GRIK1: variants seen among roughly 807,000 people sequenced by gnomAD.
GRIK1 encodes glutamate ionotropic receptor kainate type subunit 1, also known as glutamate receptor ionotropic, kainate 1.
Under a neutral mutation model 105.7 loss-of-function variants are expected in GRIK1, and 69 were observed. That is an observed-to-expected ratio of 0.65 (90% confidence interval 0.54 to 0.80). GRIK1 has a LOEUF of 0.80. GRIK1 is among the 30% of genes least tolerant of loss of function. GRIK1 has a pLI of 0.00. For synonymous variants in GRIK1, 438 were observed against 431.3 expected (o/e 1.02, Z -0.19); for missense variants, 1,109 against 1,167.3 (o/e 0.95, Z 0.73).
intron 1 of GRIK1, among the ~76,000 whole-genome samples, chr21:29,715,176 A>G (rs1323539320): frequency 3.3e-5 from 5 of 152,182 alleles, no homozygotes; most frequent in Non-Finnish European, 1.5e-5. Context: ...TGTGAGTTAC[A>G]CTGGCTCACA....
intron 1 of GRIK1, among the ~76,000 whole-genome samples, chr21:29,925,983 A>G (rs543434988): frequency 6.6e-6 from 1 of 152,230 alleles, no homozygotes; most frequent in East Asian, 1.9e-4. Context: ...TAAGCTATAT[A>G]CCACTCGTTT....
chr21:29,601,758 C>T (rs967197537), intron 7 of GRIK1, among the ~76,000 whole-genome samples: 49 of 152,208 alleles, frequency 3.2e-4, no homozygotes, highest in African/African-American at 1.2e-3. Flanking sequence ...TACTTATTAC[C>T]ACTTACCTTT....
Position 29,589,868 on chromosome 21 carries a change from T to C in GRIK1, c.1366-826A>G, listed in dbSNP as rs549967098. On this transcript the variant is annotated intron_variant, in intron 10 of 17. Transcript: ENST00000327783. ...TCACTATTCACTTATGATTTATATA[T>C]TTTGATTGGTTTCCTTCAGGGTAGC... 2.6e-4 allele frequency among the ~76,000 whole-genome samples: 40 copies of C among 152,362 alleles called. 1 individual carries two copies. Among genetic ancestry groups the C allele is most frequent in the African/African-American group, 7.2e-4 (30 of 41,588 alleles).
At chr21:29,848,451 A>G (rs2068195778) in intron 1 of GRIK1, among the ~76,000 whole-genome samples, 1 of 151,950 alleles carries the variant, frequency 6.6e-6, no homozygotes, top group Admixed American at 6.6e-5. Flanking sequence ...CTCCACTCAC[A>G]CCTTGATGCT....
chr21:29,578,603 C>G (rs1277852205), intron 13 of GRIK1, among the ~76,000 whole-genome samples: 1 of 152,140 alleles, frequency 6.6e-6, no homozygotes, highest in Non-Finnish European at 1.5e-5. Context: ...AATGGTTTGA[C>G]AGCGATTTGT....
rs142676722 is a variant in GRIK1, at chr21:29,924,918, G to T, written c.118+14465C>A. 3.0e-4 allele frequency among the ~76,000 whole-genome samples: 46 copies of T among 152,192 alleles called. No homozygotes were observed. In the South Asian group the frequency reaches 6.0e-3, roughly 20 times the overall value. ...CCCCCCTTCCCTCTAACTTTCTGCT[G>T]CTCTCCTTCAGGAAAAGCTCAGACT... On this transcript the variant is annotated intron_variant, in intron 1 of 17. Coordinates refer to ENST00000327783, the MANE Select transcript of GRIK1 (RefSeq NM_001330994.2).
chr21:29,620,011 T>C (rs558560814), intron 7 of GRIK1, among the ~76,000 whole-genome samples: 1 of 152,268 alleles, frequency 6.6e-6, no homozygotes, highest in South Asian at 2.1e-4. Context: ...TCCTGAGAGA[T>C]TTCCATTAAG....
At chr21:29,671,919 A>C (rs985495998) in intron 4 of GRIK1, among the ~76,000 whole-genome samples, 1 of 152,082 alleles carries the variant, frequency 6.6e-6, no homozygotes, top group Non-Finnish European at 1.5e-5. Context: ...AGCAGTACCC[A>C]CTAGTTGCCA....
At chr21:29,612,919 T>C (rs2061761206) in intron 7 of GRIK1, among the ~76,000 whole-genome samples, 1 of 152,212 alleles carries the variant, frequency 6.6e-6, no homozygotes, top group African/African-American at 2.4e-5. Flanking sequence ...TTAAATAGCA[T>C]TTTAATTGCT....
At chr21:29,631,990 A>AC (rs2062285503) in intron 7 of GRIK1, among the ~76,000 whole-genome samples, 1 of 137,192 alleles carries the variant, frequency 7.3e-6, no homozygotes, top group Admixed American at 7.1e-5. Flanking sequence ...GCAGGAAAAA[A>AC]AAAAGAGGCA....
intron 15 of GRIK1, 138 bp from the exon 16 acceptor site, chr21:29,555,440 A>G: frequency 1.3e-6 from 1 of 747,670 alleles, no homozygotes; most frequent in Non-Finnish European, 2.2e-6. Flanking sequence ...TGCAAAGGAC[A>G]GGAAAGTTCA....
rs79305921 is a variant in GRIK1 at position 29,772,591 on chromosome 21, C to T, written c.119-78528G>A. 7.3e-3 allele frequency among the ~76,000 whole-genome samples: 1,111 copies of T among 152,216 alleles called. 15 individuals are homozygous for T. The highest frequency in any genetic ancestry group is 0.026 in the African/African-American group (1,086 of 41,540). On this transcript the variant is annotated intron_variant, in intron 1 of 17. Transcript: ENST00000327783. ...AACTCAATTAACTATTTGTCATCCC[C>T]CCCACCCTTTTTTGAACAAAAACTA...
In GRIK1 at chr21:29,765,448, C is replaced by T. The variant is rs533781235; in HGVS notation, c.119-71385G>A. Among the ~76,000 whole-genome samples the T allele has an allele frequency of 7.9e-5, 12 of 152,142 alleles. No individual in the cohort carries two copies. In the South Asian group the frequency reaches 1.0e-3, roughly 13 times the overall value. On this transcript the variant is annotated intron_variant, in intron 1 of 17. Coordinates refer to ENST00000327783, the MANE Select transcript of GRIK1 (RefSeq NM_001330994.2). ...TACCTTATACCCTAATGGATTCCTC[C>T]GTGCTCCACAGACATGGCTACAGAT...
chr21:29,697,911 T>G (rs963937651), intron 1 of GRIK1, among the ~76,000 whole-genome samples: 1 of 140,450 alleles, frequency 7.1e-6, no homozygotes, highest in East Asian at 2.0e-4. Context: ...CTTTTCTTTC[T>G]TTCTTTCTCT....
At chr21:29,554,040 T>A (rs1413143596) in intron 16 of GRIK1, among the ~76,000 whole-genome samples, 1 of 152,130 alleles carries the variant, frequency 6.6e-6, no homozygotes. Flanking sequence ...TAATGAATCA[T>A]CCCCAGTTTT....
At chr21:29,656,859 G>C (rs1208764920) in intron 4 of GRIK1, among the ~76,000 whole-genome samples, 1 of 152,182 alleles carries the variant, frequency 6.6e-6, no homozygotes, top group Non-Finnish European at 1.5e-5. Flanking sequence ...GGAATATTTA[G>C]TGAAATTGCA....
At chr21:29,565,712 G>A (rs530055182) in intron 14 of GRIK1, among the ~76,000 whole-genome samples, 293 of 152,294 alleles carry the variant, frequency 1.9e-3, no homozygotes, top group Non-Finnish European at 2.6e-3. Context: ...GGGATTATAG[G>A]CATGAGCCAC....
chr21:29,845,982 C>T (rs1388558390), intron 1 of GRIK1, among the ~76,000 whole-genome samples: 2 of 152,244 alleles, frequency 1.3e-5, no homozygotes, highest in East Asian at 1.9e-4. Context: ...TGTGGATTCA[C>T]GGGCCCTTTG....
chr21:29,676,729 G>T (rs558824061), intron 3 of GRIK1, among the ~76,000 whole-genome samples: 1 of 152,064 alleles, frequency 6.6e-6, no homozygotes, highest in East Asian at 1.9e-4. Context: ...AGGCAAGAGA[G>T]AACCAGACAA....
Sources: gnomAD v4.1 joint callset for allele counts (sites outside exome capture counted in the v4.1 genomes callset) on GRCh38, gnomAD v4.1.1 for gene constraint, MANE v1.5 for transcripts, NCBI Gene and HGNC (gene_info 2026-07-23, HGNC 2026-07-21) for gene names.